The following PHF14 variants were observed in gnomAD, a reference collection of about 807,000 sequenced individuals.
PHF14 encodes PHD finger protein 14.
A neutral mutation model predicts 117.9 loss-of-function variants in PHF14; 55 were observed. That is an observed-to-expected ratio of 0.47 (90% CI 0.38 to 0.58). The LOEUF is 0.58. Ranked by LOEUF, PHF14 falls within the 20% of genes least tolerant of loss-of-function variation. The pLI, the probability that PHF14 is intolerant of heterozygous loss-of-function variation, is 0.00. For missense variants in PHF14, 978 were observed against 1,122.2 expected (o/e 0.87, Z 1.84); for synonymous variants, 409 against 368.6 (o/e 1.11, Z -1.26).
intron 16 of PHF14, chr7:11,106,676 C>T (rs1382876142): frequency 2.2e-5 from 22 of 983,534 alleles, no homozygotes; most frequent in African/African-American, 1.9e-4. Flanking sequence ...AATAGATTTG[C>T]GTAGATGTTT....
intron 17 of PHF14, among the ~76,000 whole-genome samples, chr7:11,128,378 G>T (rs1235318325): frequency 6.6e-6 from 1 of 151,854 alleles, no homozygotes; most frequent in Non-Finnish European, 1.5e-5. Context: ...AAAAGTCTTT[G>T]TTATTTTCCC....
chr7:10,981,935 G>A (rs371338357), intron 2 of PHF14, among the ~76,000 whole-genome samples: 1 of 152,038 alleles, frequency 6.6e-6, no homozygotes, highest in African/African-American at 2.4e-5. Context: ...TTTTGGTTTT[G>A]ACTCAATACT....
chr7:11,014,318 G>A (rs1479655596), intron 5 of PHF14, among the ~76,000 whole-genome samples: 1 of 152,112 alleles, frequency 6.6e-6, no homozygotes, highest in African/African-American at 2.4e-5. Flanking sequence ...TTAAAAAGAA[G>A]TTTAGTATAA....
chr7:11,011,919 C>G (rs1424656618), intron 4 of PHF14, among the ~76,000 whole-genome samples: 2 of 152,134 alleles, frequency 1.3e-5, no homozygotes, highest in African/African-American at 2.4e-5. Context: ...GAATGAAATA[C>G]TCTCTCAGAA....
At chr7:11,126,643 A>T (rs576240220) in intron 17 of PHF14, among the ~76,000 whole-genome samples, 10 of 151,992 alleles carry the variant, frequency 6.6e-5, no homozygotes, top group Non-Finnish European at 1.2e-4. Flanking sequence ...CAGTATTTGG[A>T]AACATGACAA....
At chr7:10,990,953 A>G in intron 4 of PHF14, 106 bp downstream of exon 4, 1 of 700,232 alleles carries the variant, frequency 1.4e-6, no homozygotes, top group East Asian at 2.9e-5. Context: ...GGTTGAAATA[A>G]TGCTAAATCA....
At chr7:11,154,899 G>C (rs1447312921) in intron 17 of PHF14, among the ~76,000 whole-genome samples, 2 of 151,952 alleles carry the variant, frequency 1.3e-5, no homozygotes, top group East Asian at 3.9e-4. Context: ...GAAATTGCAA[G>C]ATCAAGAAAT....
chr7:10,974,301 AACGACC>A lies in PHF14; in HGVS notation c.-20_-15del. The A allele has an allele frequency of 6.3e-7, 1 of 1,587,036 alleles. No homozygotes were observed. On this transcript the variant is annotated 5_prime_UTR_variant, in exon 1 of 18. Coordinates refer to ENST00000634607, the MANE Select transcript of PHF14 (RefSeq NM_001007157.2). ...GCAGCCTCTCCCTAAGTCTTCTCCA[AACGACC>A]ACCTCACGGATTCCTTAGTAAGTGT...
chr7:11,040,475 GTAA>G (rs1784465730), intron 11 of PHF14, among the ~76,000 whole-genome samples, 194 bp from the exon 12 acceptor site: 1 of 151,984 alleles, frequency 6.6e-6, no homozygotes, highest in African/African-American at 2.4e-5. Flanking sequence ...ATGAAAGTCT[GTAA>G]TTATAGATTT....
chr7:11,148,830 G>C (rs1583502884), intron 17 of PHF14, among the ~76,000 whole-genome samples: 2 of 152,202 alleles, frequency 1.3e-5, no homozygotes, highest in African/African-American at 4.8e-5. Flanking sequence ...TTCACCAACT[G>C]TGCATCTGAG....
intron 16 of PHF14, among the ~76,000 whole-genome samples, chr7:11,091,469 A>G (rs1455798643): frequency 1.3e-5 from 2 of 152,124 alleles, no homozygotes; most frequent in Non-Finnish European, 2.9e-5. Context: ...ATAAATATAA[A>G]GAGGAGCTGC....
At chr7:11,111,119 T>G in intron 16 of PHF14, 1 of 397,186 alleles carries the variant, frequency 2.5e-6, no homozygotes, top group Non-Finnish European at 4.5e-6. Context: ...TTCTAAATAT[T>G]TGTTTTGTTT....
intron 3 of PHF14, among the ~76,000 whole-genome samples, chr7:10,988,016 CA>C (rs60714759): frequency 0.027 from 3,070 of 115,562 alleles, 80 homozygotes; most frequent in East Asian, 0.13. Context: ...AACTCCTTCT[CA>C]AAAAAAAAAA....
At chr7:11,106,338 G>A in intron 16 of PHF14, 1 of 980,268 alleles carries the variant, frequency 1.0e-6, no homozygotes, top group Non-Finnish European at 1.2e-6. Context: ...ACAGAAGTCT[G>A]TAGTGGTATT....
At chr7:11,125,502 CT>C (rs888437782) in intron 17 of PHF14, among the ~76,000 whole-genome samples, 1 of 151,938 alleles carries the variant, frequency 6.6e-6, no homozygotes, top group Non-Finnish European at 1.5e-5. Context: ...TGTGTTAATT[CT>C]TTTGCTGACA....
At chr7:11,110,697 T>G (rs1429134453) in intron 16 of PHF14, 2 of 161,524 alleles carry the variant, frequency 1.2e-5, no homozygotes, top group Non-Finnish European at 2.6e-5. Context: ...AACTAAATTA[T>G]TGGGGTAGTG....
intron 16 of PHF14, 33 bp downstream of exon 16, chr7:11,062,118 G>A: frequency 1.3e-6 from 2 of 1,551,230 alleles, no homozygotes; most frequent in Non-Finnish European, 1.7e-6. Flanking sequence ...GTCTTTAGGG[G>A]ATGAAAGTTC....
chr7:11,122,350 TATACACACACACACACAC>T (rs1787784846), intron 17 of PHF14, among the ~76,000 whole-genome samples: 2 of 63,094 alleles, frequency 3.2e-5, no homozygotes, highest in East Asian at 1.4e-3. Flanking sequence ...TATATATATA[TATACACACACACACACAC>T]ACACACACAC....
chr7:11,104,271 A>G, intron 16 of PHF14: 1 of 984,696 alleles, frequency 1.0e-6, no homozygotes, highest in Non-Finnish European at 1.2e-6. Flanking sequence ...TGCTAGTCCT[A>G]AGAATCTTTG....
Sources: gnomAD v4.1 joint callset for allele counts (sites outside exome capture counted in the v4.1 genomes callset) on GRCh38, gnomAD v4.1.1 for gene constraint, MANE v1.5 for transcripts, NCBI Gene and HGNC (gene_info 2026-07-23, HGNC 2026-07-21) for gene names.